The following PRKCB variants were observed in gnomAD, a reference collection of about 807,000 sequenced individuals.
PRKCB encodes the protein protein kinase C beta, also known as protein kinase C beta type.
A neutral mutation model predicts 81.5 loss-of-function variants in PRKCB; 13 were observed. That is an observed-to-expected ratio of 0.16 (90% confidence interval 0.10 to 0.25). The LOEUF (loss-of-function observed/expected upper bound fraction) is 0.25, where lower values mean the gene tolerates loss of function less well. Among genes scored for constraint, PRKCB ranks in the 10% least tolerant of loss-of-function variants. The pLI, the probability that PRKCB is intolerant of heterozygous loss-of-function variation, is 1.00. For synonymous variants in PRKCB, 335 were observed against 321.4 expected, an observed-to-expected ratio of 1.04 and a Z score of -0.45; for missense variants, 509 against 875.7, an observed-to-expected ratio of 0.58 and a Z score of 5.29.
chr16:23,897,955 A>T (rs1475697637), intron 2 of PRKCB, among the ~76,000 whole-genome samples: 1 of 151,618 alleles, frequency 6.6e-6, no homozygotes, highest in African/African-American at 2.4e-5. Context: ...CTGGAGTGCA[A>T]TGGCGTGATC....
At chr16:23,896,072 A>C (rs1312179795) in intron 2 of PRKCB, among the ~76,000 whole-genome samples, 1 of 66,892 alleles carries the variant, frequency 1.5e-5, no homozygotes, top group Non-Finnish European at 2.6e-5. Context: ...AATTCAATCC[A>C]TTCACATTTT....
At chr16:24,096,913 A>G (rs907149787) in intron 7 of PRKCB, among the ~76,000 whole-genome samples, 1 of 151,668 alleles carries the variant, frequency 6.6e-6, no homozygotes, top group Non-Finnish European at 1.5e-5. Flanking sequence ...AGTGAAAGAA[A>G]ATAAAAATCA....
In PRKCB at chr16:23,900,500, T is replaced by G. The variant is rs146944196; in HGVS notation, c.205+63094T>G. ...ATAAAGAATCTCCCCATTCCACTTC[T>G]GTCCTCAAGTCTTCAGTTCTCTGGA... is the stretch of plus-strand genomic sequence containing the variant. On this transcript the variant is annotated intron_variant, in intron 2 of 16. Transcript: ENST00000643927. 8.5e-5 allele frequency among the ~76,000 whole-genome samples: 13 copies of G among 152,340 alleles called. No homozygotes were observed. In the East Asian group the frequency reaches 2.3e-3, roughly 27 times the overall value.
chr16:24,084,826 A>G (rs1390356783), intron 5 of PRKCB, among the ~76,000 whole-genome samples: 1 of 152,188 alleles, frequency 6.6e-6, no homozygotes, highest in Non-Finnish European at 1.5e-5. Flanking sequence ...GGAATGGGAA[A>G]TTAACTAGGG....
chr16:24,001,902 C>T (rs1306053093), intron 3 of PRKCB, among the ~76,000 whole-genome samples: 1 of 152,116 alleles, frequency 6.6e-6, no homozygotes, highest in African/African-American at 2.4e-5. Flanking sequence ...GGACCAAGGA[C>T]CTCAAAGGCT....
intron 5 of PRKCB, among the ~76,000 whole-genome samples, chr16:24,084,970 T>C (rs1966293979): frequency 6.6e-6 from 1 of 152,084 alleles, no homozygotes; most frequent in Admixed American, 6.5e-5. Context: ...CACTCATGGT[T>C]GAGGGTATGC....
intron 12 of PRKCB, among the ~76,000 whole-genome samples, chr16:24,180,087 G>GGCGCCC (rs1337317521): frequency 1.3e-5 from 2 of 152,124 alleles, no homozygotes; most frequent in East Asian, 3.9e-4. Flanking sequence ...TGGGACTACA[G>GGCGCCC]GCGCCCACGA....
At chr16:24,206,700 C>G (rs374309862) in intron 16 of PRKCB, among the ~76,000 whole-genome samples, 13 of 152,232 alleles carry the variant, frequency 8.5e-5, no homozygotes, top group African/African-American at 3.1e-4. Flanking sequence ...TTCCTTTCCT[C>G]TGTGCTCAAT....
intron 9 of PRKCB, among the ~76,000 whole-genome samples, chr16:24,153,855 C>G (rs556359573): frequency 1.3e-5 from 2 of 152,170 alleles, no homozygotes; most frequent in South Asian, 4.1e-4. Context: ...GGTCAGAGAA[C>G]GTGCTTGTTT....
intron 10 of PRKCB, among the ~76,000 whole-genome samples, chr16:24,160,627 A>G (rs991509327): frequency 2.0e-5 from 3 of 152,236 alleles, no homozygotes; most frequent in African/African-American, 7.2e-5. Flanking sequence ...TTGCATCACC[A>G]TGATGAGGTA....
chr16:24,044,803 G>A (rs1264584466), intron 5 of PRKCB, among the ~76,000 whole-genome samples: 2 of 152,238 alleles, frequency 1.3e-5, no homozygotes, highest in Non-Finnish European at 2.9e-5. Flanking sequence ...ACATTTGGCA[G>A]TCCTTGAACT....
intron 3 of PRKCB, among the ~76,000 whole-genome samples, chr16:23,991,167 C>A (rs1213914349): frequency 2.0e-5 from 3 of 152,140 alleles, no homozygotes; most frequent in Non-Finnish European, 2.9e-5. Flanking sequence ...CAATTTGCTG[C>A]AAACTGGGGT....
At chr16:23,933,860 C>G (rs1450159145) in intron 2 of PRKCB, among the ~76,000 whole-genome samples, 1 of 140,762 alleles carries the variant, frequency 7.1e-6, no homozygotes, top group Non-Finnish European at 1.5e-5. Context: ...ATCCATCCAT[C>G]CATCCATCCA....
intron 5 of PRKCB, among the ~76,000 whole-genome samples, chr16:24,041,136 C>G (rs1379941884): frequency 6.6e-6 from 1 of 151,818 alleles, no homozygotes; most frequent in South Asian, 2.1e-4. Flanking sequence ...TGCAACCTCC[C>G]CCTCCCAGGT....
intron 3 of PRKCB, among the ~76,000 whole-genome samples, chr16:23,991,608 T>C (rs111646315): frequency 6.6e-6 from 1 of 152,254 alleles, no homozygotes; most frequent in African/African-American, 2.4e-5. Flanking sequence ...AAATTTTGGG[T>C]CCTTGAAATA....
intron 2 of PRKCB, among the ~76,000 whole-genome samples, chr16:23,987,404 G>GT (rs1437316636): frequency 7.1e-6 from 1 of 139,866 alleles, no homozygotes; most frequent in Non-Finnish European, 1.5e-5. Flanking sequence ...GTTGGGGTGG[G>GT]GGGGGGTGTG....
intron 3 of PRKCB, among the ~76,000 whole-genome samples, chr16:24,002,020 G>C (rs1278238702): frequency 6.6e-6 from 1 of 152,110 alleles, no homozygotes; most frequent in African/African-American, 2.4e-5. Context: ...TGAAACATCA[G>C]TTATTTGTGG....
At chr16:23,990,955 T>C (rs976979387) in intron 3 of PRKCB, among the ~76,000 whole-genome samples, 2 of 152,222 alleles carry the variant, frequency 1.3e-5, no homozygotes, top group Admixed American at 1.3e-4. Context: ...CATACCCCAA[T>C]GCAGCCATCA....
chr16:23,892,530 T>C (rs1378240724), intron 2 of PRKCB, among the ~76,000 whole-genome samples: 6 of 152,222 alleles, frequency 3.9e-5, no homozygotes, highest in African/African-American at 7.2e-5. Flanking sequence ...TACAAAACAT[T>C]AAAATATACA....
Sources: allele counts gnomAD v4.1 joint callset (sites outside exome capture counted in the v4.1 genomes callset), GRCh38; gene constraint gnomAD v4.1.1; transcripts MANE v1.5; gene names NCBI Gene and HGNC (gene_info 2026-07-23, HGNC 2026-07-21).